The following GK5 variants were observed in gnomAD, a reference collection of about 807,000 sequenced individuals.
GK5 encodes the protein ATP:glycerol 3-phosphotransferase 5.
In GK5, 39 loss-of-function variants were observed where a neutral mutation model predicts 77.3. The observed-to-expected ratio is 0.50, with a 90% CI of 0.39 to 0.66. The LOEUF (loss-of-function observed/expected upper bound fraction) is 0.66, where lower values mean the gene tolerates loss of function less well. GK5 is among the 30% of genes least tolerant of loss of function. GK5 has a pLI of 0.00. For synonymous variants in GK5, 211 were observed against 208.0 expected (o/e 1.01, Z -0.13); for missense variants, 487 against 633.8 (o/e 0.77, Z 2.49).
chr3:142,211,429 G>A (rs1457520287), intron 3 of GK5, among the ~76,000 whole-genome samples: 1 of 152,200 alleles, frequency 6.6e-6, no homozygotes, highest in African/African-American at 2.4e-5. Flanking sequence ...GGCCAGTGCT[G>A]GGGAGTGGAG....
At position 142,170,467 on chromosome 3, in the gene GK5, A is replaced by G. The variant is rs1261253075; in HGVS notation, c.1308-9T>C. ...AAACTCCTCCATCTGCCCTGTGGGGAACAAAATATGTAAGATGAATTACTA... is the reference window on the plus strand; with the variant it reads ...AAACTCCTCCATCTGCCCTGTGGGGGACAAAATATGTAAGATGAATTACTA... On this transcript the variant is annotated splice_polypyrimidine_tract_variant and intron_variant, in intron 14 of 15. Transcript: ENST00000392993. The G allele has an allele frequency of 6.3e-7, 1 of 1,597,224 alleles. No homozygotes were observed. Among genetic ancestry groups the G allele is most frequent in the South Asian group, 1.1e-5 (1 of 89,080 alleles).
At chr3:142,183,234 A>G (rs957357344) in intron 9 of GK5, 185 bp from the exon 10 acceptor site, 2 of 515,790 alleles carry the variant, frequency 3.9e-6, no homozygotes, top group African/African-American at 3.8e-5. Flanking sequence ...GAGTCTCCCT[A>G]GGACTAATAC....
intron 5 of GK5, among the ~76,000 whole-genome samples, chr3:142,197,680 G>A (rs753130066): frequency 3.9e-5 from 6 of 152,192 alleles, no homozygotes; most frequent in Non-Finnish European, 8.8e-5. Context: ...CTGATACTGT[G>A]TAAATTGTTA....
chr3:142,177,623 G>A (rs762612091), intron 11 of GK5, 47 bp from the exon 12 acceptor site: 1 of 1,049,488 alleles, frequency 9.5e-7, no homozygotes, highest in Admixed American at 2.0e-5. Flanking sequence ...AAAATGAAGA[G>A]GTTAGAGAGG....
rs898111042 is a variant in GK5 at position 142,188,068 on chromosome 3, T to TA, written c.544-290dup. Among the ~76,000 whole-genome samples, 307 of 151,642 alleles carry TA rather than the reference T, an allele frequency of 2.0e-3. 3 individuals carry two copies. Among genetic ancestry groups the TA allele is most frequent in the African/African-American group, 6.9e-3 (285 of 41,376 alleles). On this transcript the variant is annotated intron_variant, in intron 5 of 15. Transcript: ENST00000392993. ...TTTGTGTTTTTTGTTGTTTTTTTTT[T>TA]AAAAAAAACAAAGTATATACATTTT...
chr3:142,195,285 C>T (rs2063917897), intron 5 of GK5, among the ~76,000 whole-genome samples: 1 of 151,970 alleles, frequency 6.6e-6, no homozygotes, highest in African/African-American at 2.4e-5. Flanking sequence ...GATATATAAT[C>T]CTTTTTATAT....
In GK5 at chr3:142,185,922, T is replaced by C; in HGVS notation, c.816+7A>G. On this transcript the variant is annotated splice_region_variant and intron_variant, in intron 9 of 15. Coordinates refer to ENST00000392993, the MANE Select transcript of GK5 (RefSeq NM_001039547.3). Reference sequence around the variant, plus strand: ...TACAAAGGGAATCCCTCAAGTTTCCTACTTACCAAGGCAACTATTGGTATA... The same window carrying C: ...TACAAAGGGAATCCCTCAAGTTTCCCACTTACCAAGGCAACTATTGGTATA... 1 of 1,601,014 alleles carries C rather than the reference T, an allele frequency of 6.2e-7. No homozygotes were observed. The highest frequency in any genetic ancestry group is 1.1e-5 in the South Asian group (1 of 88,612).
At chr3:142,167,328 C>A (rs1185542878) in intron 15 of GK5, among the ~76,000 whole-genome samples, 2 of 151,652 alleles carry the variant, frequency 1.3e-5, no homozygotes, top group Non-Finnish European at 2.9e-5. Flanking sequence ...GACCCGAGAT[C>A]GCACCACTGC....
chr3:142,214,238 A>C lies in GK5; in HGVS notation c.242-637T>G, dbSNP rs1477058999. 6.6e-5 allele frequency among the ~76,000 whole-genome samples: 10 copies of C among 152,310 alleles called. No homozygotes were observed. In the East Asian group the frequency reaches 1.9e-3, roughly 29 times the overall value. ...TTTTTCTTGGTAATAATAAGATTGG[A>C]TCTTAATTTAAGCAATGATCAATCA... is the stretch of plus-strand genomic sequence containing the variant. On this transcript the variant is annotated intron_variant, in intron 2 of 15. Transcript: ENST00000392993.
At chr3:142,202,670 T>G (rs1352811107) in intron 4 of GK5, among the ~76,000 whole-genome samples, 1 of 152,288 alleles carries the variant, frequency 6.6e-6, no homozygotes, top group East Asian at 1.9e-4. Flanking sequence ...GATTGGAAAT[T>G]TGAGGCTTAG....
At chr3:142,219,876 G>C (rs1291628554) in intron 1 of GK5, among the ~76,000 whole-genome samples, 3 of 152,124 alleles carry the variant, frequency 2.0e-5, no homozygotes, top group Admixed American at 6.5e-5. Flanking sequence ...GTCTGAAGTG[G>C]GAGGATCACT....
intron 4 of GK5, among the ~76,000 whole-genome samples, chr3:142,203,345 T>C (rs911929248): frequency 6.6e-6 from 1 of 152,198 alleles, no homozygotes; most frequent in African/African-American, 2.4e-5. Flanking sequence ...TATATTCACA[T>C]TTGTTTCCAT....
rs975198856 is a variant in GK5 at position 142,158,855 on chromosome 3, T to A, written c.*6767A>T. ...CTAACATTCTAAATAAAGGTATCTT[T>A]GAAAATTTACTATTATACAGTATTA... On this transcript the variant is annotated 3_prime_UTR_variant, in exon 16 of 16. Transcript: ENST00000392993. The A allele has an allele frequency of 6.6e-6, 1 of 152,186 alleles. No individual in the cohort carries two copies. Among genetic ancestry groups the A allele is most frequent in the Non-Finnish European group, 1.5e-5 (1 of 68,034 alleles). The allele number at this position is 152,186 out of a possible 1,614,324, so 9.4% of individuals were successfully genotyped here.
intron 9 of GK5, chr3:142,184,894 T>C (rs1020579112): frequency 1.0e-6 from 1 of 985,346 alleles, no homozygotes; most frequent in Non-Finnish European, 1.2e-6. Flanking sequence ...TGTCACTAAT[T>C]GGTAACTCTT....
intron 1 of GK5, among the ~76,000 whole-genome samples, chr3:142,222,382 G>A (rs879285872): frequency 2.6e-5 from 4 of 152,214 alleles, no homozygotes; most frequent in African/African-American, 4.8e-5. Flanking sequence ...TGGCTAACAC[G>A]GTGAAACCCC....
At position 142,162,831 on chromosome 3, in the gene GK5, A is replaced by C. The variant is rs980540370; in HGVS notation, c.*2791T>G. On this transcript the variant is annotated 3_prime_UTR_variant, in exon 16 of 16. Transcript: ENST00000392993. ...GCCAACATGGTAAAACCCTGTCTCT[A>C]CTAAAAATACAAAAATCAGCTGGGC... 6.6e-6 allele frequency: 1 copy of C among 152,100 alleles called. No homozygotes were observed. Among genetic ancestry groups the C allele is most frequent in the Non-Finnish European group, 1.5e-5 (1 of 68,070 alleles). The allele number at this position is 152,100 out of a possible 1,614,324, so 9.4% of individuals were successfully genotyped here.
intron 2 of GK5, among the ~76,000 whole-genome samples, chr3:142,214,276 G>A (rs2064240824): frequency 6.6e-6 from 1 of 152,150 alleles, no homozygotes; most frequent in Non-Finnish European, 1.5e-5. Context: ...ATAGAAGCTG[G>A]TTAATGACAA....
chr3:142,225,309 C>CT lies in GK5; in HGVS notation c.146dup (p.Val50GlyfsTer14). The CT allele has an allele frequency of 1.3e-6, 2 of 1,540,170 alleles. No homozygotes were observed. Among genetic ancestry groups the CT allele is most frequent in the Non-Finnish European group, 1.7e-6 (2 of 1,143,750 alleles). ...CGCCCCACGCCCGCCCCCAAGTCAC[C>CT]TTCTGCACGCTGGAGCCGCAGACCC... On this transcript the variant is annotated frameshift_variant and splice_region_variant, in exon 1 of 16. Coordinates refer to ENST00000392993, the MANE Select transcript of GK5 (RefSeq NM_001039547.3). LOFTEE classifies it high-confidence loss of function.
chr3:142,192,469 AG>A (rs774736696), intron 5 of GK5, among the ~76,000 whole-genome samples: 38 of 152,214 alleles, frequency 2.5e-4, no homozygotes, highest in Admixed American at 1.2e-3. Flanking sequence ...GTTTTTCAAT[AG>A]GTAACTGGAT....
Sources: gnomAD v4.1 joint callset for allele counts (sites outside exome capture counted in the v4.1 genomes callset) on GRCh38, gnomAD v4.1.1 for gene constraint, MANE v1.5 for transcripts, NCBI Gene and HGNC (gene_info 2026-07-23, HGNC 2026-07-21) for gene names.